BCL9: variants seen among roughly 807,000 people sequenced by gnomAD.
BCL9 encodes BCL9 transcription coactivator.
BCL9 carries 25 observed loss-of-function variants against 88.5 expected under a neutral mutation model. The ratio of observed to expected loss-of-function variants is 0.28; its 90% confidence interval spans 0.21 to 0.39. BCL9 has a LOEUF of 0.39. Among genes scored for constraint, BCL9 ranks in the 10% least tolerant of loss-of-function variants. The pLI is 1.00. For synonymous variants in BCL9, 711 were observed against 673.3 expected (o/e 1.06, Z -0.87); for missense variants, 1,817 against 1,877.8 (o/e 0.97, Z 0.60).
intron 1 of BCL9, among the ~76,000 whole-genome samples, chr1:147,600,606 G>T (rs1288347140): frequency 6.6e-6 from 1 of 152,058 alleles, no homozygotes; most frequent in African/African-American, 2.4e-5. Flanking sequence ...TGTGTCCCAA[G>T]CAGTGCTTGG....
chr1:147,562,785 G>A (rs781958913), intron 1 of BCL9, among the ~76,000 whole-genome samples: 1 of 152,112 alleles, frequency 6.6e-6, no homozygotes, highest in Non-Finnish European at 1.5e-5. Flanking sequence ...GGGGTGGCAG[G>A]ATTAGAAGTA....
chr1:147,551,814 A>G (rs1654916076), intron 1 of BCL9, among the ~76,000 whole-genome samples: 1 of 152,224 alleles, frequency 6.6e-6, no homozygotes, highest in African/African-American at 2.4e-5. Flanking sequence ...TTTTCTTTAT[A>G]AATGACGCAG....
chr1:147,562,273 G>A (rs1436792099), intron 1 of BCL9, among the ~76,000 whole-genome samples: 1 of 152,108 alleles, frequency 6.6e-6, no homozygotes, highest in Non-Finnish European at 1.5e-5. Flanking sequence ...AGATTGCGGT[G>A]AGCTGAGATC....
chr1:147,623,796 T>A, intron 9 of BCL9, 46 bp from the exon 10 acceptor site: 1 of 1,553,066 alleles, frequency 6.4e-7, no homozygotes, highest in South Asian at 1.2e-5. Context: ...TTTTTCTGAG[T>A]TGATTTTTGG....
chr1:147,549,967 C>CTAGA (rs1260274348), intron 1 of BCL9, among the ~76,000 whole-genome samples: 1 of 152,202 alleles, frequency 6.6e-6, no homozygotes, highest in Non-Finnish European at 1.5e-5. Context: ...TGTCCAGAAT[C>CTAGA]TACTCTCTCT....
At chr1:147,554,200 C>G (rs1438485760) in intron 1 of BCL9, among the ~76,000 whole-genome samples, 1 of 152,180 alleles carries the variant, frequency 6.6e-6, no homozygotes, top group Non-Finnish European at 1.5e-5. Flanking sequence ...ATGATATACA[C>G]TGATGTTACG....
rs1553204279 is a variant in BCL9 at position 147,618,863 on chromosome 1, A to G, written c.708A>G (p.Gln236=). ...GGAATGATCCGAAACCTCTCCCACA[A>G]CAGCCCCCAGCTCCGGCCAACCAGG... ...ALRNDPKPLP[Q]QPPAPANQDQ... The change falls in exon 8 of 10, where the codon CAA becomes CAG. Residue 236 remains glutamine, a synonymous_variant. Transcript: ENST00000234739. 1.3e-6 allele frequency: 2 copies of G among 1,596,588 alleles called. No individual in the cohort carries two copies. Among genetic ancestry groups the G allele is most frequent in the Non-Finnish European group, 8.5e-7 (1 of 1,172,326 alleles).
At chr1:147,618,068 T>C (rs1234145556) in intron 7 of BCL9, among the ~76,000 whole-genome samples, 1 of 152,230 alleles carries the variant, frequency 6.6e-6, no homozygotes, top group Admixed American at 6.5e-5. Flanking sequence ...TACTGCCTAT[T>C]GGAAAGAACA....
intron 1 of BCL9, among the ~76,000 whole-genome samples, chr1:147,560,595 G>A (rs963727045): frequency 1.1e-5 from 1 of 90,784 alleles, no homozygotes; most frequent in Non-Finnish European, 2.1e-5. Flanking sequence ...GGACAACAGC[G>A]AGACTTCATC....
intron 1 of BCL9, among the ~76,000 whole-genome samples, chr1:147,578,384 C>A (rs1386461616): frequency 6.6e-6 from 1 of 152,120 alleles, no homozygotes; most frequent in Non-Finnish European, 1.5e-5. Context: ...AGTCAGAAAG[C>A]AGTTTATTCA....
chr1:147,551,043 C>A (rs587690433), intron 1 of BCL9, among the ~76,000 whole-genome samples: 1 of 152,224 alleles, frequency 6.6e-6, no homozygotes, highest in South Asian at 2.1e-4. Flanking sequence ...TTATAACAAT[C>A]CTGAGGGACT....
intron 1 of BCL9, among the ~76,000 whole-genome samples, chr1:147,597,797 A>G (rs111631962): frequency 0.015 from 2,228 of 152,322 alleles, 24 homozygotes; most frequent in Middle Eastern, 0.024. Flanking sequence ...AGCGTGCTTA[A>G]ATTCTCAATA....
intron 7 of BCL9, 44 bp downstream of exon 7, chr1:147,615,946 G>T: frequency 6.5e-7 from 1 of 1,549,006 alleles, no homozygotes. Context: ...TGATTCTACA[G>T]TGACTGCAAA....
rs188600987 is a variant in BCL9 at position 147,612,160 on chromosome 1, A to G, written c.53+271A>G. The stretch of plus-strand genomic sequence containing the variant: ...CTGCCAAAGCACAAACGAAAGGACC[A>G]TAGAGACCAACCAGTACAGTTTGCC... On this transcript the variant is annotated intron_variant, in intron 4 of 9. Transcript: ENST00000234739. 4.5e-3 allele frequency among the ~76,000 whole-genome samples: 692 copies of G among 152,264 alleles called. 7 individuals are homozygous for G. The highest frequency in any genetic ancestry group is 0.016 in the African/African-American group (658 of 41,546).
At chr1:147,587,023 T>TC (rs1656636575) in intron 1 of BCL9, among the ~76,000 whole-genome samples, 7 of 33,222 alleles carry the variant, frequency 2.1e-4, no homozygotes, top group Non-Finnish European at 3.0e-4. Flanking sequence ...TTTCTCTCTC[T>TC]TTCTCTCTCT....
At chr1:147,562,234 C>T (rs1655410543) in intron 1 of BCL9, among the ~76,000 whole-genome samples, 1 of 152,116 alleles carries the variant, frequency 6.6e-6, no homozygotes, top group Non-Finnish European at 1.5e-5. Context: ...AAGGCTGAGG[C>T]AGGAGACTCG....
At chr1:147,566,029 C>G (rs1456025932) in intron 1 of BCL9, among the ~76,000 whole-genome samples, 1 of 152,180 alleles carries the variant, frequency 6.6e-6, no homozygotes, top group African/African-American at 2.4e-5. Flanking sequence ...TTAATCTTCA[C>G]TGAGAGCCCA....
chr1:147,574,902 G>A (rs1374978724), intron 1 of BCL9, among the ~76,000 whole-genome samples: 1 of 152,148 alleles, frequency 6.6e-6, no homozygotes, highest in Non-Finnish European at 1.5e-5. Flanking sequence ...TTTTTCCAGA[G>A]AGGATGAGCC....
At position 147,619,100 on chromosome 1, in the gene BCL9, C is replaced by T. The variant is rs1553204378; in HGVS notation, c.945C>T (p.Thr315=). ...CAACTCCCAACAATAGGGCAGTGAC[C>T]CCTGTCTCCCAGGGGAGCAATAGCT... ...PNSTPNNRAV[T]PVSQGSNSSS... Residue 315 remains threonine, a synonymous_variant, in exon 8 of 10, where the codon ACC becomes ACT. Transcript: ENST00000234739. The surrounding 1 kb of genome is among the most constrained non-coding windows in gnomAD (Gnocchi z 4.1). 6.2e-7 allele frequency: 1 copy of T among 1,613,798 alleles called. No homozygotes were observed. The highest frequency in any genetic ancestry group is 1.3e-5 in the African/African-American group (1 of 75,032).
Sources: allele counts gnomAD v4.1 joint callset (sites outside exome capture counted in the v4.1 genomes callset), GRCh38; gene constraint gnomAD v4.1.1; non-coding constraint Gnocchi (gnomAD v3.1); transcripts MANE v1.5; gene names NCBI Gene and HGNC (gene_info 2026-07-23, HGNC 2026-07-21).